The following GLYATL2 variants were observed in gnomAD, a reference collection of about 807,000 sequenced individuals.
GLYATL2 encodes glycine-N-acyltransferase like 2.
Under a neutral mutation model 21.4 loss-of-function variants are expected in GLYATL2, and 25 were observed. The ratio of observed to expected loss-of-function variants is 1.17; its 90% confidence interval spans 0.85 to 1.63. The LOEUF is 1.63. GLYATL2 is among the 40% of genes most tolerant of loss of function. The pLI is 0.00. For missense variants in GLYATL2, 361 were observed against 343.3 expected, an observed-to-expected ratio of 1.05 and a Z score of -0.41; for synonymous variants, 114 against 118.2, an observed-to-expected ratio of 0.96 and a Z score of 0.23.
intron 1 of GLYATL2, among the ~76,000 whole-genome samples, chr11:58,858,764 GT>G (rs1253665676): frequency 1.3e-5 from 2 of 152,074 alleles, no homozygotes; most frequent in Non-Finnish European, 2.9e-5. Flanking sequence ...GTGAACTTCC[GT>G]GTCCCTGATT....
intron 1 of GLYATL2, among the ~76,000 whole-genome samples, chr11:58,902,201 C>A (rs1854751822): frequency 6.6e-6 from 1 of 152,010 alleles, no homozygotes; most frequent in African/African-American, 2.4e-5. Context: ...TGAGGTGAGC[C>A]CACTATGAAC....
chr11:58,836,484 C>G (rs1400908238), intron 5 of GLYATL2, among the ~76,000 whole-genome samples: 1 of 151,964 alleles, frequency 6.6e-6, no homozygotes, highest in East Asian at 1.9e-4. Flanking sequence ...AATTTTAATT[C>G]TAGTAATTCA....
At chr11:58,867,721 C>T (rs1004446892) in intron 1 of GLYATL2, among the ~76,000 whole-genome samples, 2 of 149,028 alleles carry the variant, frequency 1.3e-5, no homozygotes, top group Non-Finnish European at 3.0e-5. Context: ...ATGACTAATA[C>T]TGAGTATGAT....
At chr11:58,840,168 T>C (rs1257954126) in intron 1 of GLYATL2, among the ~76,000 whole-genome samples, 1 of 151,876 alleles carries the variant, frequency 6.6e-6, no homozygotes, top group South Asian at 2.1e-4. Context: ...AACAAAACCA[T>C]AGGAAGAAAA....
intron 1 of GLYATL2, among the ~76,000 whole-genome samples, chr11:58,903,685 A>T (rs1412375846): frequency 2.0e-5 from 3 of 152,118 alleles, no homozygotes; most frequent in African/African-American, 7.2e-5. Flanking sequence ...AAAACAAAAT[A>T]AAATAAAATA....
intron 1 of GLYATL2, among the ~76,000 whole-genome samples, chr11:58,858,551 T>A (rs1853874709): frequency 6.6e-6 from 1 of 152,160 alleles, no homozygotes; most frequent in South Asian, 2.1e-4. Flanking sequence ...CTTAAGATGT[T>A]GAGTTTTATT....
chr11:58,893,239 G>C (rs563706203), intron 1 of GLYATL2: 121 of 278,596 alleles, frequency 4.3e-4, no homozygotes, highest in African/African-American at 2.6e-3. Flanking sequence ...TTGTGAAGTA[G>C]GAATGGCCTA....
At chr11:58,897,690 A>T (rs1403720779) in intron 1 of GLYATL2, among the ~76,000 whole-genome samples, 1 of 152,216 alleles carries the variant, frequency 6.6e-6, no homozygotes, top group East Asian at 1.9e-4. Flanking sequence ...GGCCTTGGTA[A>T]TCCCTTTGTA....
At chr11:58,835,545 A>G (rs911337802) in intron 5 of GLYATL2, among the ~76,000 whole-genome samples, 5 of 152,204 alleles carry the variant, frequency 3.3e-5, no homozygotes, top group Admixed American at 3.3e-4. Flanking sequence ...GAAGATCTCC[A>G]GGAAGTTTAG....
Position 58,837,323 on chromosome 11 carries a change from T to G in GLYATL2, c.261A>C (p.Glu87Asp). The G allele has an allele frequency of 6.2e-7, 1 of 1,613,924 alleles. No homozygotes were observed. The highest frequency in any genetic ancestry group is 8.5e-7 in the Non-Finnish European group (1 of 1,179,802). ...TGATTACATTGGAGTATGACAGGAC[T>G]TCCTCTAATTTGTCAGGAGCTTTGG... ...IFTKAPDKLE[E>D]VLSYSNVISW... Residue 87 changes from glutamate (E) to aspartate (D), a missense_variant, in exon 4 of 6, where the codon GAA (glutamate) becomes GAC (aspartate). Glu to Asp is a conservative substitution (Grantham distance 45). Coordinates refer to ENST00000287275, the MANE Select transcript of GLYATL2 (RefSeq NM_145016.4).
upstream of GLYATL2, chr11:58,908,357 G>T (rs1055152160): frequency 2.6e-5 from 4 of 152,918 alleles, no homozygotes; most frequent in African/African-American, 9.6e-5. Flanking sequence ...TTATTTCATA[G>T]ATCTTGTTTT....
chr11:58,848,098 T>A (rs113320437), upstream of GLYATL2, among the ~76,000 whole-genome samples: 2,358 of 151,072 alleles, frequency 0.016, 67 homozygotes, highest in African/African-American at 0.053. Flanking sequence ...CCAAGACTAT[T>A]GAGGCGGTAC....
chr11:58,875,960 C>G (rs1854223200), intron 1 of GLYATL2, among the ~76,000 whole-genome samples: 1 of 152,152 alleles, frequency 6.6e-6, no homozygotes, highest in Non-Finnish European at 1.5e-5. Context: ...TTCACATAGT[C>G]CCATATTTCT....
chr11:58,889,744 C>A (rs1373423513), intron 1 of GLYATL2, among the ~76,000 whole-genome samples: 1 of 152,026 alleles, frequency 6.6e-6, no homozygotes, highest in African/African-American at 2.4e-5. Context: ...TTTTGATATA[C>A]TACCGAATAT....
upstream of GLYATL2, among the ~76,000 whole-genome samples, chr11:58,846,738 G>A (rs922450616): frequency 2.6e-5 from 4 of 152,242 alleles, no homozygotes; most frequent in African/African-American, 9.6e-5. Context: ...GTGTTTCCAA[G>A]TAAACGTGAA....
At chr11:58,865,281 G>T (rs1590732564) in intron 1 of GLYATL2, among the ~76,000 whole-genome samples, 1 of 149,080 alleles carries the variant, frequency 6.7e-6, no homozygotes, top group Non-Finnish European at 1.5e-5. Context: ...TATAATAAGA[G>T]AAATAATATG....
chr11:58,890,608 T>C (rs1016813449), intron 1 of GLYATL2, among the ~76,000 whole-genome samples: 3 of 152,132 alleles, frequency 2.0e-5, no homozygotes, highest in Admixed American at 6.5e-5. Context: ...TTTCTATTAG[T>C]TTGTTGAGGT....
chr11:58,851,209 C>A (rs554508558), intron 1 of GLYATL2, among the ~76,000 whole-genome samples: 2 of 152,264 alleles, frequency 1.3e-5, no homozygotes, highest in South Asian at 4.1e-4. Flanking sequence ...AGTGGTCCCC[C>A]GGGCCCAGTT....
intron 1 of GLYATL2, among the ~76,000 whole-genome samples, chr11:58,868,367 G>A (rs1198078569): frequency 6.7e-6 from 1 of 148,698 alleles, no homozygotes; most frequent in Non-Finnish European, 1.5e-5. Flanking sequence ...CAGACAATGG[G>A]ACACCAGGCA....
Sources: gnomAD v4.1 joint callset for allele counts (sites outside exome capture counted in the v4.1 genomes callset) on GRCh38, gnomAD v4.1.1 for gene constraint, MANE v1.5 for transcripts, NCBI Gene and HGNC (gene_info 2026-07-23, HGNC 2026-07-21) for gene names.